SHANK2: variants seen among roughly 807,000 people sequenced by gnomAD.
SHANK2 encodes the protein SH3 and multiple ankyrin repeat domains 2.
In SHANK2, 43 loss-of-function variants were observed where a neutral mutation model predicts 133.7. The ratio of observed to expected loss-of-function variants is 0.32; its 90% CI spans 0.25 to 0.41. The LOEUF is 0.41. Ranked by LOEUF, SHANK2 falls within the 10% of genes least tolerant of loss-of-function variation. The pLI is 1.00. For missense variants in SHANK2, 1,994 were observed against 2,235.8 expected (o/e 0.89, Z 2.18); for synonymous variants, 1,017 against 952.8 (o/e 1.07, Z -1.24).
At chr11:71,057,717 A>ATTT (rs1192366882) in intron 9 of SHANK2, among the ~76,000 whole-genome samples, 8 of 145,956 alleles carry the variant, frequency 5.5e-5, no homozygotes, top group African/African-American at 2.0e-4. Context: ...TGCCCAGCTA[A>ATTT]TTTTTTTTTT....
chr11:70,631,336 G>A (rs774253470), intron 17 of SHANK2: 1 of 152,524 alleles, frequency 6.6e-6, no homozygotes, highest in Non-Finnish European at 1.5e-5. Flanking sequence ...TCTGGGAGGA[G>A]CCTGCTGGGG....
At chr11:71,193,280 C>T (rs1455671040) in intron 2 of SHANK2, among the ~76,000 whole-genome samples, 3 of 152,130 alleles carry the variant, frequency 2.0e-5, no homozygotes, top group East Asian at 1.9e-4. Context: ...GTTCTGGGGC[C>T]GTCTCATCAG....
chr11:71,115,178 A>T (rs1402764574), intron 4 of SHANK2, among the ~76,000 whole-genome samples: 2 of 152,104 alleles, frequency 1.3e-5, no homozygotes, highest in African/African-American at 4.8e-5. Context: ...AAGTATCGGC[A>T]TCAATTTTGG....
rs1173051409 is a variant in SHANK2 at position 70,471,578 on chromosome 11, C to T, written c.*1291G>A. On this transcript the variant is annotated 3_prime_UTR_variant, in exon 26 of 26. Coordinates refer to ENST00000601538, the MANE Select transcript of SHANK2 (RefSeq NM_012309.5). This position sits in a 1 kb window ranked among gnomAD's most constrained non-coding sequence, Gnocchi z 4.1. ...TCACGCCTCTGCTTTCACTCTGATCCTGCCGCCCACCTTCTGTTCTCAACC... is the reference window on the plus strand; with the variant it reads ...TCACGCCTCTGCTTTCACTCTGATCTTGCCGCCCACCTTCTGTTCTCAACC... The T allele has an allele frequency of 1.5e-5, 6 of 395,834 alleles. No individual in the cohort carries two copies. Among genetic ancestry groups the T allele is most frequent in the African/African-American group, 1.0e-4 (5 of 48,602 alleles). 24.5% of individuals were successfully genotyped at this position (395,834 alleles called of 1,614,324 possible). A position where few individuals can be genotyped will look rare whatever the true frequency, so the allele number is the denominator to read the frequency against.
intron 10 of SHANK2, among the ~76,000 whole-genome samples, chr11:70,937,963 G>A (rs1284548232): frequency 2.0e-5 from 3 of 152,134 alleles, no homozygotes; most frequent in Admixed American, 2.0e-4. Flanking sequence ...GTGTGTGTGT[G>A]CATGTGTGAG....
At chr11:71,091,977 G>A (rs759625520) in intron 8 of SHANK2, among the ~76,000 whole-genome samples, 1 of 152,224 alleles carries the variant, frequency 6.6e-6, no homozygotes, top group East Asian at 1.9e-4. Flanking sequence ...TTGCAAGGTT[G>A]GGCCTGAAAA....
chr11:70,916,122 TG>T (rs1555079829), intron 10 of SHANK2, among the ~76,000 whole-genome samples: 1 of 152,202 alleles, frequency 6.6e-6, no homozygotes, highest in Admixed American at 6.5e-5. Context: ...CTTCTTTCAG[TG>T]GTTTGCCCAA....
chr11:71,169,048 A>AC lies in SHANK2; in HGVS notation c.-12-21711dup, dbSNP rs530247056. Among the ~76,000 whole-genome samples, 25 of 152,310 alleles carry AC rather than the reference A, an allele frequency of 1.6e-4. No individual in the cohort carries two copies. In the East Asian group the frequency reaches 2.9e-3, roughly 18 times the overall value. ...TTTGCCATTTCTTTAAATGGCAAAA[A>AC]CTGCAATTACTTTTGCAGCAACCTA... On this transcript the variant is annotated intron_variant, in intron 2 of 25. Transcript: ENST00000601538.
intron 9 of SHANK2, among the ~76,000 whole-genome samples, chr11:71,070,524 A>G (rs1951129202): frequency 6.6e-6 from 1 of 152,020 alleles, no homozygotes; most frequent in Admixed American, 6.5e-5. Flanking sequence ...AGCTCTCCAT[A>G]CTACCTCCAG....
chr11:70,500,448 C>A lies in SHANK2; in HGVS notation c.2308+122G>T. On this transcript the variant is annotated intron_variant, in intron 21 of 25. Coordinates refer to ENST00000601538, the MANE Select transcript of SHANK2 (RefSeq NM_012309.5). This position sits in a 1 kb window ranked among gnomAD's most constrained non-coding sequence, Gnocchi z 4.5. The stretch of plus-strand genomic sequence containing the variant: ...GCGGCAGGGCTCCTCGGGCAGGACC[C>A]AGCAGGAGAAGCCAACAAGGCTTTG... 1 of 1,383,232 alleles carries A rather than the reference C, an allele frequency of 7.2e-7. No individual in the cohort carries two copies. Among genetic ancestry groups the A allele is most frequent in the South Asian group, 1.2e-5 (1 of 80,468 alleles). The allele number at this position is 1,383,232 out of a possible 1,614,324, so 85.7% of individuals were successfully genotyped here. A position where few individuals can be genotyped will look rare whatever the true frequency, so the allele number is the denominator to read the frequency against.
chr11:70,673,202 C>T (rs573581480), intron 15 of SHANK2, among the ~76,000 whole-genome samples: 50 of 152,064 alleles, frequency 3.3e-4, no homozygotes, highest in Non-Finnish European at 5.0e-4. Context: ...CAGCCTGCAG[C>T]GACAGGTTTG....
chr11:71,132,932 G>A (rs1356351725), intron 3 of SHANK2, among the ~76,000 whole-genome samples: 1 of 152,150 alleles, frequency 6.6e-6, no homozygotes, highest in Non-Finnish European at 1.5e-5. Flanking sequence ...GGAGGCAGAG[G>A]GAAGGCTGAG....
chr11:70,947,475 C>T (rs1421995551), intron 10 of SHANK2, among the ~76,000 whole-genome samples: 1 of 151,778 alleles, frequency 6.6e-6, no homozygotes, highest in East Asian at 1.9e-4. Flanking sequence ...GCCTCAGCCT[C>T]CCGAGCAGCT....
At chr11:71,110,223 G>A (rs1951872121) in intron 5 of SHANK2, among the ~76,000 whole-genome samples, 174 bp from the exon 6 acceptor site, 2 of 152,186 alleles carry the variant, frequency 1.3e-5, no homozygotes, top group Non-Finnish European at 1.5e-5. Flanking sequence ...CAGATCACGA[G>A]GTCAGGAGAT....
chr11:71,098,707 G>C (rs1452347833), intron 6 of SHANK2, among the ~76,000 whole-genome samples: 1 of 152,196 alleles, frequency 6.6e-6, no homozygotes, highest in Non-Finnish European at 1.5e-5. Context: ...CAACCACATT[G>C]ATAGAAATAA....
intron 10 of SHANK2, chr11:70,907,870 G>T (rs542871149): frequency 2.2e-6 from 1 of 454,426 alleles, no homozygotes; most frequent in Non-Finnish European, 4.4e-6. Context: ...CGGAGGTAGA[G>T]GCAGGCAGAT....
At chr11:70,724,155 C>G (rs1177057208) in intron 14 of SHANK2, among the ~76,000 whole-genome samples, 1 of 151,890 alleles carries the variant, frequency 6.6e-6, no homozygotes, top group Non-Finnish European at 1.5e-5. Context: ...CCTGCCTCAT[C>G]CTCCTGAGTA....
In SHANK2 at chr11:70,933,139, G is replaced by A. The variant is rs782121149; in HGVS notation, c.1108-36572C>T. ...AGTGTCCACCGGCAGATAAATGGAT[G>A]AACAAAGTGTGGTGCATCCATGCAG... On this transcript the variant is annotated intron_variant, in intron 10 of 25. Coordinates refer to ENST00000601538, the MANE Select transcript of SHANK2 (RefSeq NM_012309.5). The A allele has an allele frequency of 5.7e-5, 26 of 456,522 alleles. 1 individual carries two copies. Among genetic ancestry groups the A allele is most frequent in the Non-Finnish European group, 1.0e-4 (23 of 226,944 alleles). 28.3% of individuals were successfully genotyped at this position (456,522 alleles called of 1,614,324 possible).
intron 12 of SHANK2, among the ~76,000 whole-genome samples, chr11:70,811,855 C>G (rs1215269140): frequency 6.6e-6 from 1 of 152,162 alleles, no homozygotes; most frequent in Non-Finnish European, 1.5e-5. Flanking sequence ...TACCCATCCA[C>G]CCATCCATCT....
Sources: gnomAD v4.1 joint callset for allele counts (sites outside exome capture counted in the v4.1 genomes callset) on GRCh38, gnomAD v4.1.1 for gene constraint, Gnocchi (gnomAD v3.1) non-coding constraint, MANE v1.5 for transcripts, NCBI Gene and HGNC (gene_info 2026-07-23, HGNC 2026-07-21) for gene names.